The following KDM1B variants were observed in gnomAD, a reference collection of about 807,000 sequenced individuals.
KDM1B encodes the protein lysine demethylase 1B, also known as lysine-specific histone demethylase 2.
KDM1B carries 63 observed loss-of-function variants against 107.4 expected under a neutral mutation model. The ratio of observed to expected loss-of-function variants is 0.59; its 90% CI spans 0.48 to 0.72. The LOEUF (loss-of-function observed/expected upper bound fraction) is 0.72. Ranked by LOEUF, KDM1B falls within the 30% of genes least tolerant of loss-of-function variation. The pLI, the probability that KDM1B is intolerant of heterozygous loss-of-function variation, is 0.00. For synonymous variants in KDM1B, 363 were observed against 363.9 expected, an observed-to-expected ratio of 1.00 and a Z score of 0.03; for missense variants, 749 against 1,020.8, an observed-to-expected ratio of 0.73 and a Z score of 3.63.
At chr6:18,192,770 T>C (rs1787363574) in intron 10 of KDM1B, among the ~76,000 whole-genome samples, 1 of 147,796 alleles carries the variant, frequency 6.8e-6, no homozygotes, top group African/African-American at 2.6e-5. Flanking sequence ...AGAAACACCT[T>C]GGATTCATTT....
chr6:18,170,897 T>G (rs557394957), intron 6 of KDM1B, among the ~76,000 whole-genome samples: 1 of 151,576 alleles, frequency 6.6e-6, no homozygotes, highest in Non-Finnish European at 1.5e-5. Flanking sequence ...CTCGGCTCAC[T>G]GCAAGCTTCG....
intron 6 of KDM1B, among the ~76,000 whole-genome samples, chr6:18,170,486 A>AT (rs981701304): frequency 5.0e-4 from 72 of 145,202 alleles, no homozygotes; most frequent in African/African-American, 7.0e-4. Flanking sequence ...TTTTACGCTG[A>AT]TTTTTTTTTT....
intron 7 of KDM1B, among the ~76,000 whole-genome samples, chr6:18,177,545 CTATT>C (rs537484760): frequency 2.0e-5 from 3 of 151,046 alleles, no homozygotes; most frequent in Admixed American, 6.6e-5. Flanking sequence ...GAGGCCACAC[CTATT>C]TATTTATTTA....
intron 14 of KDM1B, among the ~76,000 whole-genome samples, chr6:18,202,761 A>G (rs970353170): frequency 6.6e-6 from 1 of 152,122 alleles, no homozygotes; most frequent in Non-Finnish European, 1.5e-5. Context: ...AGCAGGGACT[A>G]TGTATCTCTT....
At chr6:18,161,484 A>C (rs777931370) in intron 4 of KDM1B, 30 bp downstream of exon 4, 3 of 1,608,910 alleles carry the variant, frequency 1.9e-6, no homozygotes, top group Non-Finnish European at 1.7e-6. Context: ...TTGGCCTCCC[A>C]TTTCTGCTTG....
chr6:18,188,964 A>G (rs1434646167), intron 9 of KDM1B, among the ~76,000 whole-genome samples: 1 of 151,782 alleles, frequency 6.6e-6, no homozygotes, highest in Non-Finnish European at 1.5e-5. Context: ...TTATATTTTT[A>G]GTAGAGATGG....
chr6:18,220,377 C>A (rs573370764), intron 21 of KDM1B, among the ~76,000 whole-genome samples: 1 of 152,210 alleles, frequency 6.6e-6, no homozygotes, highest in East Asian at 1.9e-4. Flanking sequence ...GGTGAAACCC[C>A]GTCACTACTA....
intron 7 of KDM1B, among the ~76,000 whole-genome samples, chr6:18,183,427 T>G (rs1253931005): frequency 6.6e-6 from 1 of 151,516 alleles, no homozygotes; most frequent in Non-Finnish European, 1.5e-5. Context: ...CCTGACTAAT[T>G]TTTTGTATTT....
At chr6:18,177,760 C>A (rs1381808259) in intron 7 of KDM1B, among the ~76,000 whole-genome samples, 5 of 151,696 alleles carry the variant, frequency 3.3e-5, no homozygotes, top group African/African-American at 1.2e-4. Context: ...CATGCTCATT[C>A]CTGCTCCTGG....
chr6:18,202,728 CTGTT>C (rs1447322196), intron 14 of KDM1B, among the ~76,000 whole-genome samples: 1 of 152,182 alleles, frequency 6.6e-6, no homozygotes, highest in Non-Finnish European at 1.5e-5. Flanking sequence ...CAGTTCATCT[CTGTT>C]TGGGGTAAAC....
rs1561921306 is a variant in KDM1B at position 18,179,845 on chromosome 6, TTTTCC to T, written c.535-5923_535-5919del. Among the ~76,000 whole-genome samples the T allele has an allele frequency of 5.5e-5, 3 of 55,018 alleles. 1 individual carries two copies. Among genetic ancestry groups the T allele is most frequent in the African/African-American group, 1.4e-4 (2 of 14,114 alleles). The allele number at this position is 55,018 out of a possible 152,430, so 36.1% of individuals were successfully genotyped here. A position where few individuals can be genotyped will look rare whatever the true frequency, so the allele number is the denominator to read the frequency against. ...AATCTTTCAATTTAGCATTGGTTTT[TTTTCC>T]TTTTTTTTTTTTTTTTTTTTTTTTT... On this transcript the variant is annotated intron_variant, in intron 7 of 21. Transcript: ENST00000650836.
chr6:18,195,609 C>A (rs929838827), intron 10 of KDM1B, among the ~76,000 whole-genome samples: 1 of 151,748 alleles, frequency 6.6e-6, no homozygotes, highest in African/African-American at 2.4e-5. Flanking sequence ...GTGGTAGGCG[C>A]CTGTAGTCCC....
At chr6:18,206,735 A>G (rs1185513574) in intron 15 of KDM1B, among the ~76,000 whole-genome samples, 3 of 152,054 alleles carry the variant, frequency 2.0e-5, no homozygotes, top group Admixed American at 6.6e-5. Flanking sequence ...TTGTCTCTTT[A>G]CCGTCCTTTC....
Position 18,213,270 on chromosome 6 carries a change from C to A in KDM1B, c.1984-386C>A, listed in dbSNP as rs1485696756. 6.6e-6 allele frequency among the ~76,000 whole-genome samples: 1 copy of A among 152,046 alleles called. No homozygotes were observed. Among genetic ancestry groups the A allele is most frequent in the Non-Finnish European group, 1.5e-5 (1 of 68,016 alleles). On this transcript the variant is annotated intron_variant, in intron 18 of 21. Coordinates refer to ENST00000650836, the MANE Select transcript of KDM1B (RefSeq NM_001364614.2). This position sits in a 1 kb window ranked among gnomAD's most constrained non-coding sequence, Gnocchi z 5.9. Reference sequence around the variant, plus strand: ...TGACCAACATGGTGAAACCTCATCTCTACTAAAAATACAAAATTCGCTGGG... The same window carrying A: ...TGACCAACATGGTGAAACCTCATCTATACTAAAAATACAAAATTCGCTGGG...
Position 18,200,399 on chromosome 6 carries a change from T to C in KDM1B, c.1222-40T>C. ...TATAATACTGTGTCTGATATAACTCTTGTGTCCTATTTAGCTTCCCTGACT... is the reference window on the plus strand; with the variant it reads ...TATAATACTGTGTCTGATATAACTCCTGTGTCCTATTTAGCTTCCCTGACT... On this transcript the variant is annotated intron_variant, in intron 12 of 21. Coordinates refer to ENST00000650836, the MANE Select transcript of KDM1B (RefSeq NM_001364614.2). The surrounding 1 kb of genome is among the most constrained non-coding windows in gnomAD (Gnocchi z 4.3). The C allele has an allele frequency of 6.2e-7, 1 of 1,602,256 alleles. No individual in the cohort carries two copies. The highest frequency in any genetic ancestry group is 1.7e-4 in the Middle Eastern group (1 of 5,994).
At position 18,191,521 on chromosome 6, in the gene KDM1B, C is replaced by G; in HGVS notation, c.969+140C>G. 2.1e-6 allele frequency: 2 copies of G among 944,282 alleles called. No individual in the cohort carries two copies. The highest frequency in any genetic ancestry group is 2.7e-5 in the East Asian group (1 of 37,554). 58.5% of individuals were successfully genotyped at this position (944,282 alleles called of 1,614,324 possible). A position where few individuals can be genotyped will look rare whatever the true frequency, so the allele number is the denominator to read the frequency against. On this transcript the variant is annotated intron_variant, in intron 10 of 21. Coordinates refer to ENST00000650836, the MANE Select transcript of KDM1B (RefSeq NM_001364614.2). The surrounding 1 kb of genome is among the most constrained non-coding windows in gnomAD (Gnocchi z 5.1). The stretch of plus-strand genomic sequence containing the variant: ...CTGTTGACAATTTGGGCAGATAATT[C>G]TTTGTGGTGGGGACTGTCTTTGCAC...
At position 18,197,561 on chromosome 6, in the gene KDM1B, G is replaced by T. The variant is rs761352943; in HGVS notation, c.1147-26G>T. 1 of 1,585,532 alleles carries T rather than the reference G, an allele frequency of 6.3e-7. No individual in the cohort carries two copies. Among genetic ancestry groups the T allele is most frequent in the South Asian group, 1.1e-5 (1 of 90,168 alleles). ...GACGTTGTTATCATCTGCTCTAATT[G>T]GACTTTTGTTTCTTTTCTTTTTAAG... On this transcript the variant is annotated intron_variant, in intron 11 of 21. Coordinates refer to ENST00000650836, the MANE Select transcript of KDM1B (RefSeq NM_001364614.2). This position sits in a 1 kb window ranked among gnomAD's most constrained non-coding sequence, Gnocchi z 4.5.
intron 7 of KDM1B, among the ~76,000 whole-genome samples, chr6:18,179,423 C>T (rs1033342994): frequency 6.6e-6 from 1 of 152,026 alleles, no homozygotes; most frequent in African/African-American, 2.4e-5. Context: ...AGCAGTATAT[C>T]CTCTTTTCTA....
At position 18,190,614 on chromosome 6, in the gene KDM1B, A is replaced by G. The variant is rs111294170; in HGVS notation, c.785-583A>G. Among the ~76,000 whole-genome samples, 1,171 of 151,656 alleles carry G rather than the reference A, an allele frequency of 7.7e-3. 11 individuals are homozygous for G. The highest frequency in any genetic ancestry group is 0.027 in the African/African-American group (1,111 of 41,276). ...GAGACTCCATCTTAAAAAGAAAAAA[A>G]AGATAGCTGGGCATGGTAGCTCATG... On this transcript the variant is annotated intron_variant, in intron 9 of 21. Transcript: ENST00000650836.
Sources: allele counts gnomAD v4.1 joint callset (sites outside exome capture counted in the v4.1 genomes callset), GRCh38; gene constraint gnomAD v4.1.1; non-coding constraint Gnocchi (gnomAD v3.1); transcripts MANE v1.5; gene names NCBI Gene and HGNC (gene_info 2026-07-23, HGNC 2026-07-21).